EIF4B: variants seen among roughly 807,000 people sequenced by gnomAD.
EIF4B encodes eukaryotic translation initiation factor 4B.
Under a neutral mutation model 79.3 loss-of-function variants are expected in EIF4B, and 8 were observed. The observed-to-expected ratio is 0.10, with a 90% CI of 0.06 to 0.18. EIF4B has a LOEUF of 0.18. Among genes scored for constraint, EIF4B ranks in the 10% least tolerant of loss-of-function variants. EIF4B has a pLI of 1.00. For synonymous variants in EIF4B, 238 were observed against 274.7 expected (o/e 0.87, Z 1.32); for missense variants, 515 against 792.4 (o/e 0.65, Z 4.20).
intron 1 of EIF4B, among the ~76,000 whole-genome samples, chr12:53,007,085 G>C (rs914388974): frequency 2.0e-5 from 3 of 152,138 alleles, no homozygotes; most frequent in Non-Finnish European, 2.9e-5. Context: ...AACCCAGATG[G>C]GAAGCTTTTT....
At position 53,006,485 on chromosome 12, in the gene EIF4B, TGGC is replaced by T; in HGVS notation, c.6_8del (p.Ala3?). 1 of 1,613,504 alleles carries T rather than the reference TGGC, an allele frequency of 6.2e-7. No homozygotes were observed. The highest frequency in any genetic ancestry group is 8.5e-7 in the Non-Finnish European group (1 of 1,180,004). On this transcript the variant is annotated start_lost and inframe_deletion, in exon 1 of 15. Coordinates refer to ENST00000262056, the MANE Select transcript of EIF4B (RefSeq NM_001417.7). ...TGCGTTCTCTTTCCCTCTCCCAACA[TGGC>T]GGCCTCAGGTGAGCGAGCAGCCGAG...
At chr12:53,028,279 A>G (rs1943375432) in intron 8 of EIF4B, 91 bp downstream of exon 8, 4 of 1,469,828 alleles carry the variant, frequency 2.7e-6, no homozygotes, top group Middle Eastern at 1.8e-4. Context: ...TGAGTTGGGC[A>G]CAAATATAAT....
At chr12:53,037,725 T>TA in intron 11 of EIF4B, 103 bp downstream of exon 11, 1 of 1,245,132 alleles carries the variant, frequency 8.0e-7, no homozygotes, top group East Asian at 2.5e-5. Flanking sequence ...TATAGCACCT[T>TA]ATAAGTTATG....
At chr12:53,013,142 G>C (rs759054054) in intron 1 of EIF4B, among the ~76,000 whole-genome samples, 8 of 152,206 alleles carry the variant, frequency 5.3e-5, no homozygotes, top group Non-Finnish European at 1.0e-4. Context: ...TCGGACTAAA[G>C]GGCAGATTAA....
At position 53,007,445 on chromosome 12, in the gene EIF4B, T is replaced by TTTTTTTTTTTTTTTTTA. The variant is rs1555195258; in HGVS notation, c.13+952_13+953insTTTTTTTTTTTTTATTT. Among the ~76,000 whole-genome samples, 2 of 120,768 alleles carry TTTTTTTTTTTTTTTTTA rather than the reference T, an allele frequency of 1.7e-5. 1 individual carries two copies. The highest frequency in any genetic ancestry group is 3.3e-5 in the Non-Finnish European group (2 of 60,382). The allele number at this position is 120,768 out of a possible 152,430, so 79.2% of individuals were successfully genotyped here. A position where few individuals can be genotyped will look rare whatever the true frequency, so the allele number is the denominator to read the frequency against. The stretch of plus-strand genomic sequence containing the variant: ...CTTTTTTTTTTTTTTTTTTTTTTTT[T>TTTTTTTTTTTTTTTTTA]TTTAAGGTAACTGTGCAACTACCAG... On this transcript the variant is annotated intron_variant, in intron 1 of 14. Transcript: ENST00000262056.
chr12:53,015,082 C>T (rs1349310581), intron 1 of EIF4B: 2 of 152,184 alleles, frequency 1.3e-5, no homozygotes, highest in South Asian at 2.1e-4. Context: ...AGCATTACAT[C>T]CTCATATGCA....
At chr12:53,025,471 T>C (rs1943318465) in intron 6 of EIF4B, 1 of 272,662 alleles carries the variant, frequency 3.7e-6, no homozygotes, top group African/African-American at 2.3e-5. Flanking sequence ...TGGGGGGTAT[T>C]ACACTCAGTA....
At chr12:53,026,856 A>G (rs963290155) in intron 6 of EIF4B, among the ~76,000 whole-genome samples, 3 of 152,014 alleles carry the variant, frequency 2.0e-5, no homozygotes, top group Non-Finnish European at 4.4e-5. Context: ...ACCAACCTCA[A>G]CCTCCCAAAG....
In EIF4B at chr12:53,041,233, G is replaced by A. The variant is rs1795980669; in HGVS notation, c.*1010G>A. 6.6e-6 allele frequency: 1 copy of A among 152,208 alleles called. No homozygotes were observed. The highest frequency in any genetic ancestry group is 2.4e-5 in the African/African-American group (1 of 41,436). 9.4% of individuals were successfully genotyped at this position (152,208 alleles called of 1,614,324 possible). A position where few individuals can be genotyped will look rare whatever the true frequency, so the allele number is the denominator to read the frequency against. ...TCTCAGCCATGGAGAACTCTGAAAG[G>A]AAGAATCGCTGCTTTTCTCAAGCAA... On this transcript the variant is annotated 3_prime_UTR_variant, in exon 15 of 15. Coordinates refer to ENST00000262056, the MANE Select transcript of EIF4B (RefSeq NM_001417.7).
At chr12:53,023,677 A>C (rs1592220512) in intron 6 of EIF4B, among the ~76,000 whole-genome samples, 1 of 136,830 alleles carries the variant, frequency 7.3e-6, no homozygotes, top group African/African-American at 2.8e-5. Context: ...TCCGCCTCCT[A>C]GGTTCAAGCG....
chr12:53,040,525 A>G lies in EIF4B; in HGVS notation c.*302A>G, dbSNP rs1447627919. 1.7e-5 allele frequency: 4 copies of G among 230,620 alleles called. No individual in the cohort carries two copies. Among genetic ancestry groups the G allele is most frequent in the Middle Eastern group, 1.5e-3 (1 of 676 alleles). 14.3% of individuals were successfully genotyped at this position (230,620 alleles called of 1,614,324 possible). A position where few individuals can be genotyped will look rare whatever the true frequency, so the allele number is the denominator to read the frequency against. On this transcript the variant is annotated 3_prime_UTR_variant, in exon 15 of 15. Coordinates refer to ENST00000262056, the MANE Select transcript of EIF4B (RefSeq NM_001417.7). ...GTGTGATTAGTGCCTAGGGGTCTCC[A>G]TTTAGCAGAAATGGTAATGACAGTG...
chr12:53,016,257 G>A (rs754597912), intron 1 of EIF4B, among the ~76,000 whole-genome samples: 9 of 143,008 alleles, frequency 6.3e-5, no homozygotes, highest in African/African-American at 1.1e-4. Flanking sequence ...ACCCTTTTCC[G>A]TACGTAAACA....
intron 3 of EIF4B, among the ~76,000 whole-genome samples, chr12:53,019,437 A>ATATATTTTTTTTTTTTT (rs1943205076): frequency 2.0e-5 from 1 of 51,008 alleles, no homozygotes; most frequent in East Asian, 6.4e-4. Flanking sequence ...ATATATATAT[A>ATATATTTTTTTTTTTTT]TTTTTTTTTT....
intron 8 of EIF4B, among the ~76,000 whole-genome samples, chr12:53,029,167 G>A (rs1328016752): frequency 6.6e-6 from 1 of 151,404 alleles, no homozygotes; most frequent in Non-Finnish European, 1.5e-5. Context: ...CACAATAATT[G>A]ATGTTCATTA....
At chr12:53,027,401 C>T (rs930751919) in intron 6 of EIF4B, among the ~76,000 whole-genome samples, 1 of 151,488 alleles carries the variant, frequency 6.6e-6, no homozygotes, top group Admixed American at 6.6e-5. Flanking sequence ...CAAAGTGCTG[C>T]TGGGATTACA....
chr12:53,038,472 A>G, intron 12 of EIF4B, 61 bp downstream of exon 12: 1 of 1,500,282 alleles, frequency 6.7e-7, no homozygotes, highest in Non-Finnish European at 9.0e-7. Flanking sequence ...AAGGCCTCCA[A>G]AATTAGATTT....
chr12:53,019,659 C>T (rs531995059), intron 3 of EIF4B, among the ~76,000 whole-genome samples: 2 of 139,404 alleles, frequency 1.4e-5, no homozygotes, highest in East Asian at 2.1e-4. Context: ...AGCCACTGCA[C>T]CTGGCCTGAA....
intron 1 of EIF4B, among the ~76,000 whole-genome samples, chr12:53,013,365 A>G (rs1183606049): frequency 6.6e-6 from 1 of 152,244 alleles, no homozygotes; most frequent in East Asian, 1.9e-4. Flanking sequence ...ATCTGTAGCT[A>G]GCATCATATT....
intron 6 of EIF4B, among the ~76,000 whole-genome samples, chr12:53,023,802 C>T (rs187390322): frequency 1.3e-3 from 193 of 151,420 alleles, no homozygotes; most frequent in African/African-American, 4.3e-3. Flanking sequence ...AGGCTGGTCT[C>T]GAACTCCTGA....
Sources: gnomAD v4.1 joint callset for allele counts (sites outside exome capture counted in the v4.1 genomes callset) on GRCh38, gnomAD v4.1.1 for gene constraint, MANE v1.5 for transcripts, NCBI Gene and HGNC (gene_info 2026-07-23, HGNC 2026-07-21) for gene names.